Variants in PRLR observed in about 807,000 individuals in gnomAD.
PRLR encodes the protein hPRL receptor.
PRLR carries 13 observed loss-of-function variants against 40.2 expected under a neutral mutation model. That is an observed-to-expected ratio of 0.32 (90% CI 0.21 to 0.51). The LOEUF is 0.51. Ranked by LOEUF, PRLR falls within the 20% of genes least tolerant of loss-of-function variation. The probability of loss-of-function intolerance (pLI) is 0.97; values close to 1 mark genes in which losing one functional copy is unlikely to be tolerated. For missense variants in PRLR, 656 were observed against 747.3 expected (o/e 0.88, Z 1.42); for synonymous variants, 269 against 278.7 (o/e 0.97, Z 0.35).
At chr5:35,203,451 A>G (rs1321332853) in intron 1 of PRLR, among the ~76,000 whole-genome samples, 1 of 152,184 alleles carries the variant, frequency 6.6e-6, no homozygotes, top group Non-Finnish European at 1.5e-5. Flanking sequence ...TGAGCTTTCT[A>G]TCATGGCCAG....
chr5:35,185,919 T>C lies in PRLR; in HGVS notation c.-106+44349A>G, dbSNP rs1775414166. 2.0e-5 allele frequency among the ~76,000 whole-genome samples: 3 copies of C among 152,232 alleles called. 1 individual carries two copies. In the South Asian group the frequency reaches 6.2e-4, roughly 32 times the overall value. On this transcript the variant is annotated intron_variant, in intron 1 of 9. Coordinates refer to ENST00000618457, the MANE Select transcript of PRLR (RefSeq NM_000949.7). ...AGTGTTCCCAACCATATTAGTGTTCTCTGATTCGTCGAATGTCGGGGTGGA... is the reference window on the plus strand; with the variant it reads ...AGTGTTCCCAACCATATTAGTGTTCCCTGATTCGTCGAATGTCGGGGTGGA...
chr5:35,110,711 C>T (rs1470669814), intron 2 of PRLR, among the ~76,000 whole-genome samples: 2 of 152,126 alleles, frequency 1.3e-5, no homozygotes, highest in African/African-American at 4.8e-5. Flanking sequence ...CACCATGTGG[C>T]CTGTTAATGT....
intron 1 of PRLR, 70 bp from the exon 2 acceptor site, chr5:35,118,192 G>A: frequency 1.3e-6 from 1 of 743,644 alleles, no homozygotes; most frequent in Non-Finnish European, 1.6e-6. Flanking sequence ...GGCTCACTCT[G>A]CAGTACGTAG....
chr5:35,162,483 C>T (rs931333399), intron 1 of PRLR, among the ~76,000 whole-genome samples: 6 of 152,156 alleles, frequency 3.9e-5, no homozygotes. Flanking sequence ...AGTGGGAATA[C>T]AAAAGTAGCA....
intron 1 of PRLR, among the ~76,000 whole-genome samples, chr5:35,191,761 T>C (rs539910726): frequency 3.7e-4 from 56 of 152,320 alleles, no homozygotes; most frequent in African/African-American, 1.3e-3. Flanking sequence ...ATCTTTCATA[T>C]AGAAAGGTTT....
intron 1 of PRLR, among the ~76,000 whole-genome samples, chr5:35,170,878 T>C (rs141717824): frequency 9.8e-5 from 15 of 152,328 alleles, no homozygotes; most frequent in African/African-American, 3.4e-4. Flanking sequence ...GAGGGCCAAC[T>C]ATGTACCAGG....
In PRLR at chr5:35,089,602, A is replaced by G; in HGVS notation, c.19T>C (p.Ser7Pro). 1 of 1,614,152 alleles carries G rather than the reference A, an allele frequency of 6.2e-7. No homozygotes were observed. The highest frequency in any genetic ancestry group is 8.5e-7 in the Non-Finnish European group (1 of 1,179,960). MKENVA[S>P]ATVFTLLLFL... ...AGTAGCAGAGTGAAAACGGTTGCAG[A>G]TGCCACATTTTCCTTCATGTTGGCT... The change falls in exon 3 of 10, where the codon TCT becomes CCT. Residue 7 changes from serine to proline, a missense_variant. Physicochemically the swap from Ser to Pro is moderately conservative, Grantham distance 74. Transcript: ENST00000618457.
chr5:35,198,184 G>T (rs539634376), intron 1 of PRLR, among the ~76,000 whole-genome samples: 1 of 152,184 alleles, frequency 6.6e-6, no homozygotes, highest in South Asian at 2.1e-4. Context: ...CCTCAGTGCC[G>T]CTCCGACTGC....
intron 1 of PRLR, among the ~76,000 whole-genome samples, chr5:35,129,955 G>C (rs1366315650): frequency 6.6e-6 from 1 of 152,146 alleles, no homozygotes; most frequent in Non-Finnish European, 1.5e-5. Flanking sequence ...CCCTGGGCAT[G>C]TCGCAAGCCT....
rs1769140121 is a variant in PRLR, at chr5:35,063,119, G to A, written c.*1970C>T. 1 of 152,234 alleles carries A rather than the reference G, an allele frequency of 6.6e-6. No homozygotes were observed. The highest frequency in any genetic ancestry group is 6.5e-5 in the Admixed American group (1 of 15,282). 9.4% of individuals were successfully genotyped at this position (152,234 alleles called of 1,614,324 possible). ...GTGATGCCTATGCAGTTGGTTCTCA[G>A]ACAGTTAAAGTATCGAGGATTTAGG... On this transcript the variant is annotated 3_prime_UTR_variant, in exon 10 of 10. Coordinates refer to ENST00000618457, the MANE Select transcript of PRLR (RefSeq NM_000949.7).
chr5:35,164,185 A>G (rs530922652), intron 1 of PRLR, among the ~76,000 whole-genome samples: 2 of 152,348 alleles, frequency 1.3e-5, no homozygotes, highest in African/African-American at 4.8e-5. Flanking sequence ...TACTAAGTAC[A>G]TGATTACTAT....
intron 1 of PRLR, among the ~76,000 whole-genome samples, chr5:35,139,537 C>G (rs1253810594): frequency 2.6e-5 from 4 of 152,118 alleles, no homozygotes; most frequent in Non-Finnish European, 5.9e-5. Context: ...ACCCCACATA[C>G]TATAAAATAA....
intron 1 of PRLR, among the ~76,000 whole-genome samples, chr5:35,163,845 T>G (rs894053099): frequency 2.6e-5 from 4 of 152,238 alleles, no homozygotes; most frequent in Admixed American, 2.0e-4. Flanking sequence ...GCATCAAGTA[T>G]TCACTGATTG....
At chr5:35,166,416 G>T (rs573408221) in intron 1 of PRLR, among the ~76,000 whole-genome samples, 36 of 152,280 alleles carry the variant, frequency 2.4e-4, no homozygotes, top group Non-Finnish European at 5.0e-4. Flanking sequence ...TTGGGGAAAA[G>T]AATTCATAAC....
intron 1 of PRLR, among the ~76,000 whole-genome samples, chr5:35,203,264 T>C (rs1775927080): frequency 6.6e-6 from 1 of 152,198 alleles, no homozygotes; most frequent in Non-Finnish European, 1.5e-5. Context: ...TCTTATGCCA[T>C]AGAACTTAGG....
At position 35,088,746 on chromosome 5, in the gene PRLR, C is replaced by T. The variant is rs372023781; in HGVS notation, c.70+805G>A. Among the ~76,000 whole-genome samples the T allele has an allele frequency of 2.6e-5, 4 of 152,106 alleles. No individual in the cohort carries two copies. The East Asian group carries it at 5.8e-4, about 22-fold the overall frequency. On this transcript the variant is annotated intron_variant, in intron 3 of 9. Coordinates refer to ENST00000618457, the MANE Select transcript of PRLR (RefSeq NM_000949.7). Reference sequence around the variant, plus strand: ...GGTATGTAGATGCCCACACAGAGCCCGCATCAAAAGTACACACACCACACA... The same window carrying T: ...GGTATGTAGATGCCCACACAGAGCCTGCATCAAAAGTACACACACCACACA...
downstream of PRLR, among the ~76,000 whole-genome samples, chr5:35,052,687 C>T (rs1166553464): frequency 6.6e-6 from 1 of 152,132 alleles, no homozygotes; most frequent in Non-Finnish European, 1.5e-5. Context: ...GATAACCTGA[C>T]CTATCTTGTT....
chr5:35,065,460 G>T lies in PRLR; in HGVS notation c.1498C>A (p.Pro500Thr). The T allele has an allele frequency of 6.2e-7, 1 of 1,614,166 alleles. No individual in the cohort carries two copies. Among genetic ancestry groups the T allele is most frequent in the Non-Finnish European group, 8.5e-7 (1 of 1,180,030 alleles). ...TCCAAGGGTTTAGCGGAGCCAAAGG[G>T]GGTTTTCTCCTGGGGCAGCAGCCAG... Reference protein sequence around the residue: ...TPWLLPQEKTPFGSAKPLDYV... With the variant: ...TPWLLPQEKTTFGSAKPLDYV... The change falls in exon 10 of 10, where the codon CCC becomes ACC. Residue 500 changes from proline (P) to threonine (T), a missense_variant. Coordinates refer to ENST00000618457, the MANE Select transcript of PRLR (RefSeq NM_000949.7).
intron 9 of PRLR, among the ~76,000 whole-genome samples, chr5:35,066,743 C>T (rs1375097036): frequency 6.6e-6 from 1 of 150,480 alleles, no homozygotes; most frequent in Non-Finnish European, 1.5e-5. Flanking sequence ...CTCCTGCCTC[C>T]TCCTCTCACT....
Sources: allele counts gnomAD v4.1 joint callset (sites outside exome capture counted in the v4.1 genomes callset), GRCh38; gene constraint gnomAD v4.1.1; transcripts MANE v1.5; gene names NCBI Gene and HGNC (gene_info 2026-07-23, HGNC 2026-07-21).